FAM227A: variants seen among roughly 807,000 people sequenced by gnomAD.
The protein encoded by FAM227A is protein FAM227A.
Under a neutral mutation model 74.7 loss-of-function variants are expected in FAM227A, and 80 were observed. The observed-to-expected ratio is 1.07, with a 90% confidence interval of 0.89 to 1.29. The LOEUF (loss-of-function observed/expected upper bound fraction) is 1.29, where lower values mean the gene tolerates loss of function less well. FAM227A is among the 50% of genes most tolerant of loss of function. The probability of loss-of-function intolerance (pLI) is 0.00; values close to 1 mark genes in which losing one functional copy is unlikely to be tolerated. For synonymous variants in FAM227A, 237 were observed against 241.8 expected (o/e 0.98, Z 0.19); for missense variants, 654 against 683.4 (o/e 0.96, Z 0.48).
intron 2 of FAM227A, 50 bp from the exon 3 acceptor site, chr22:38,645,695 A>G (rs1405932432): frequency 8.3e-7 from 1 of 1,203,304 alleles, no homozygotes; most frequent in Non-Finnish European, 1.2e-6. Context: ...TACACACACA[A>G]CAGGATGGGG....
At chr22:38,627,096 A>G (rs1437802725) in intron 8 of FAM227A, among the ~76,000 whole-genome samples, 7 of 150,682 alleles carry the variant, frequency 4.6e-5, no homozygotes, top group African/African-American at 1.7e-4. Context: ...TAGAGAAAAG[A>G]AAACAAAGAA....
chr22:38,585,879 A>T lies in FAM227A; in HGVS notation c.*246T>A. On this transcript the variant is annotated 3_prime_UTR_variant, in exon 17 of 17. Transcript: ENST00000535113. Reference sequence around the variant, plus strand: ...TCATATTTGTAACATACTTACCAGCATGCACGTAATAAAATACTGAAAGAG... The same window carrying T: ...TCATATTTGTAACATACTTACCAGCTTGCACGTAATAAAATACTGAAAGAG... The T allele has an allele frequency of 1.2e-6, 1 of 817,090 alleles. No individual in the cohort carries two copies. Among genetic ancestry groups the T allele is most frequent in the Non-Finnish European group, 1.8e-6 (1 of 541,040 alleles). 50.6% of individuals were successfully genotyped at this position (817,090 alleles called of 1,614,324 possible).
intron 16 of FAM227A, among the ~76,000 whole-genome samples, chr22:38,588,818 C>T (rs1269941276): frequency 2.7e-5 from 4 of 146,432 alleles, no homozygotes; most frequent in South Asian, 2.1e-4. Context: ...GTCCCAGCTA[C>T]GTGGGAAGCT....
Position 38,605,249 on chromosome 22 carries a change from C to G in FAM227A, c.1221+5G>C. On this transcript the variant is annotated splice_donor_5th_base_variant and intron_variant, in intron 13 of 16. Coordinates refer to ENST00000535113, the MANE Select transcript of FAM227A (RefSeq NM_001013647.2). Reference sequence around the variant, plus strand: ...TTACTATTAAATTTCCAATCATGTGCTCACCTTTTTAGGAAACATATTCTC... The same window carrying G: ...TTACTATTAAATTTCCAATCATGTGGTCACCTTTTTAGGAAACATATTCTC... 6.6e-7 allele frequency: 1 copy of G among 1,514,914 alleles called. No individual in the cohort carries two copies. Among genetic ancestry groups the G allele is most frequent in the Non-Finnish European group, 9.0e-7 (1 of 1,113,420 alleles). 93.8% of individuals were successfully genotyped at this position (1,514,914 alleles called of 1,614,324 possible).
intron 8 of FAM227A, 112 bp downstream of exon 8, chr22:38,628,126 G>T (rs1045385612): frequency 8.7e-5 from 60 of 692,834 alleles, no homozygotes; most frequent in Non-Finnish European, 1.3e-4. Context: ...TATGGATTAT[G>T]ACAATTTACT....
chr22:38,593,078 G>A (rs1386842549), intron 15 of FAM227A, among the ~76,000 whole-genome samples: 1 of 152,204 alleles, frequency 6.6e-6, no homozygotes, highest in Non-Finnish European at 1.5e-5. Context: ...CCCAACCTTA[G>A]CCTCTGCCAT....
intron 12 of FAM227A, 41 bp downstream of exon 12, chr22:38,607,348 A>G: frequency 1.4e-6 from 2 of 1,438,822 alleles, no homozygotes; most frequent in Non-Finnish European, 1.9e-6. Context: ...GACAATAACT[A>G]AGCCAAAAGC....
chr22:38,644,277 G>C (rs1025649026), intron 3 of FAM227A, among the ~76,000 whole-genome samples: 1 of 151,194 alleles, frequency 6.6e-6, no homozygotes, highest in Non-Finnish European at 1.5e-5. Context: ...AAACTGGGGA[G>C]AGTAAAAACA....
At chr22:38,625,030 G>A (rs1049951021) in intron 9 of FAM227A, among the ~76,000 whole-genome samples, 12 of 152,030 alleles carry the variant, frequency 7.9e-5, no homozygotes, top group Non-Finnish European at 1.8e-4. Context: ...CCTATAAATG[G>A]TAGCTTTTAA....
intron 6 of FAM227A, 156 bp from the exon 7 acceptor site, chr22:38,629,091 G>C: frequency 1.8e-6 from 1 of 559,178 alleles, no homozygotes; most frequent in African/African-American, 1.9e-5. Flanking sequence ...CCCTATAATA[G>C]TCTTATGAGG....
chr22:38,638,006 A>C (rs1184302009), intron 5 of FAM227A, among the ~76,000 whole-genome samples: 2 of 152,100 alleles, frequency 1.3e-5, no homozygotes, highest in African/African-American at 2.4e-5. Context: ...ATCTCTACCA[A>C]AAATGCAAAT....
At chr22:38,620,400 A>G in intron 10 of FAM227A, 109 bp from the exon 11 acceptor site, 1 of 789,812 alleles carries the variant, frequency 1.3e-6, no homozygotes, top group Non-Finnish European at 2.1e-6. Context: ...CACCCACCAG[A>G]TCTAGGGTCT....
At chr22:38,621,923 C>A (rs1275246211) in intron 10 of FAM227A, among the ~76,000 whole-genome samples, 1 of 152,284 alleles carries the variant, frequency 6.6e-6, no homozygotes, top group East Asian at 1.9e-4. Context: ...CTGAATCCCC[C>A]CCACTGCAGT....
chr22:38,655,017 G>C lies in FAM227A; in HGVS notation c.-95+1103C>G, dbSNP rs2092372481. ...TAGCCTGGCATGGTGGCGGGCGCCTGTAGTCCCAGCTACTTGGGAGGCGGA... is the reference window on the plus strand; with the variant it reads ...TAGCCTGGCATGGTGGCGGGCGCCTCTAGTCCCAGCTACTTGGGAGGCGGA... On this transcript the variant is annotated intron_variant, in intron 1 of 16. Coordinates refer to ENST00000535113, the MANE Select transcript of FAM227A (RefSeq NM_001013647.2). Among the ~76,000 whole-genome samples, 4 of 151,374 alleles carry C rather than the reference G, an allele frequency of 2.6e-5. No individual in the cohort carries two copies. In the South Asian group the frequency reaches 8.4e-4, roughly 32 times the overall value.
At chr22:38,599,065 T>C (rs2091114053) in intron 14 of FAM227A, among the ~76,000 whole-genome samples, 2 of 151,766 alleles carry the variant, frequency 1.3e-5, no homozygotes, top group African/African-American at 4.8e-5. Context: ...CAAGCGATTC[T>C]CCTGCCTCAG....
chr22:38,625,601 A>C (rs1171403222), intron 9 of FAM227A, among the ~76,000 whole-genome samples: 2 of 152,006 alleles, frequency 1.3e-5, no homozygotes, highest in African/African-American at 4.8e-5. Flanking sequence ...AAACTTTGCT[A>C]TCTTATTAGG....
chr22:38,623,193 A>G lies in FAM227A; in HGVS notation c.937T>C (p.Tyr313His). The part of the protein sequence containing the change: ...ERFRREELML[Y>H]RRRLTKGREF... ...TTACCCTTTGTCAGTCTTCTTCTGT[A>G]CAACATTAATTCTTCTCTGCGGAAT... is the stretch of plus-strand genomic sequence containing the variant. Residue 313 changes from tyrosine (Y) to histidine (H), a missense_variant, in exon 10 of 17, where the codon TAC (tyrosine) becomes CAC (histidine). Coordinates refer to ENST00000535113, the MANE Select transcript of FAM227A (RefSeq NM_001013647.2). 1.9e-6 allele frequency: 3 copies of G among 1,551,352 alleles called. No homozygotes were observed. The highest frequency in any genetic ancestry group is 2.6e-6 in the Non-Finnish European group (3 of 1,146,672).
In FAM227A at chr22:38,597,243, A is replaced by C; in HGVS notation, c.1493T>G (p.Phe498Cys). ...YQHHWTEWNYFDKHLKELQDN... is the reference protein window; with the variant it reads ...YQHHWTEWNYCDKHLKELQDN... ...TTGCAGCTCCTTTAGATGCTTGTCAAAATAATTCCATTCAGTCCAATGATG... is the reference window on the plus strand; with the variant it reads ...TTGCAGCTCCTTTAGATGCTTGTCACAATAATTCCATTCAGTCCAATGATG... The change falls in exon 15 of 17, where the codon TTT (phenylalanine) becomes TGT (cysteine). Residue 498 changes from phenylalanine (F) to cysteine (C), a missense_variant. Transcript: ENST00000535113. The C allele has an allele frequency of 6.4e-7, 1 of 1,552,268 alleles. No homozygotes were observed. Among genetic ancestry groups the C allele is most frequent in the South Asian group, 1.2e-5 (1 of 84,052 alleles).
chr22:38,649,889 GAAAA>G, intron 2 of FAM227A, 134 bp downstream of exon 2: 2 of 746,462 alleles, frequency 2.7e-6, no homozygotes, highest in Non-Finnish European at 4.1e-6. Flanking sequence ...AGAAAGAAAA[GAAAA>G]GAAAAAATGA....
Sources: gnomAD v4.1 joint callset for allele counts (sites outside exome capture counted in the v4.1 genomes callset) on GRCh38, gnomAD v4.1.1 for gene constraint, MANE v1.5 for transcripts, NCBI Gene and HGNC (gene_info 2026-07-23, HGNC 2026-07-21) for gene names.